The following TMEM63B variants were observed in gnomAD, a reference collection of about 807,000 sequenced individuals.
The protein encoded by TMEM63B is transmembrane protein 63B, also known as mechanosensitive cation channel TMEM63B.
TMEM63B carries 23 observed loss-of-function variants against 102.6 expected under a neutral mutation model. That is an observed-to-expected ratio of 0.22 (90% CI 0.16 to 0.32). TMEM63B has a LOEUF of 0.32. Ranked by LOEUF, TMEM63B falls within the 10% of genes least tolerant of loss-of-function variation. The pLI is 1.00. For synonymous variants in TMEM63B, 444 were observed against 437.0 expected (o/e 1.02, Z -0.20); for missense variants, 628 against 1,095.9 (o/e 0.57, Z 6.03).
Position 44,151,848 on chromosome 6 carries a change from G to GT in TMEM63B, c.1677dup (p.Val560CysfsTer185). 6.2e-7 allele frequency: 1 copy of GT among 1,608,944 alleles called. No individual in the cohort carries two copies. Among genetic ancestry groups the GT allele is most frequent in the South Asian group, 1.1e-5 (1 of 90,550 alleles). On this transcript the variant is annotated frameshift_variant, in exon 19 of 24. Coordinates refer to ENST00000323267, the MANE Select transcript of TMEM63B (RefSeq NM_018426.3). LOFTEE classifies it high-confidence loss of function. Reference sequence around the variant, plus strand: ...GCTGGAGCACCTGGTGCCCGCAGGTGTGTGTTCCTGCCCGACAACGGCGCC... The same window carrying GT: ...GCTGGAGCACCTGGTGCCCGCAGGTGTTGTGTTCCTGCCCGACAACGGCGCC...
In TMEM63B at chr6:44,153,781, AGGT is replaced by A; in HGVS notation, c.2054_2056del (p.Val685del). The A allele has an allele frequency of 6.2e-7, 1 of 1,614,138 alleles. No homozygotes were observed. The highest frequency in any genetic ancestry group is 8.5e-7 in the Non-Finnish European group (1 of 1,180,020). ...AAGATCCACTCGGGGGCTGTGAACC[AGGT>A]GGTGGCCGCGCCCATCCTCTGCCTC... On this transcript the variant is annotated inframe_deletion, in exon 21 of 24. Transcript: ENST00000323267.
chr6:44,138,695 C>A (rs924191335), intron 6 of TMEM63B, 178 bp downstream of exon 6: 2 of 615,752 alleles, frequency 3.2e-6, no homozygotes. Flanking sequence ...GTACCCTGAA[C>A]ACTCACTTGA....
chr6:44,154,641 A>C, intron 23 of TMEM63B, 51 bp from the exon 24 acceptor site: 1 of 1,520,168 alleles, frequency 6.6e-7, no homozygotes, highest in Non-Finnish European at 8.8e-7. Context: ...TGTTCCCGCA[A>C]TCCATGAGGG....
At chr6:44,131,108 C>T (rs771814323) in intron 1 of TMEM63B, among the ~76,000 whole-genome samples, 2 of 151,512 alleles carry the variant, frequency 1.3e-5, no homozygotes, top group Admixed American at 6.6e-5. Flanking sequence ...TTAGTAGAGA[C>T]GGGGTTTCAC....
intron 11 of TMEM63B, 48 bp downstream of exon 11, chr6:44,146,975 T>C: frequency 1.3e-6 from 2 of 1,593,084 alleles, no homozygotes; most frequent in Non-Finnish European, 1.7e-6. Flanking sequence ...CCCCCTGCCA[T>C]TGTGGAGGAC....
At chr6:44,128,577 C>G (rs1275257683) in intron 1 of TMEM63B, among the ~76,000 whole-genome samples, 4 of 152,254 alleles carry the variant, frequency 2.6e-5, no homozygotes, top group Non-Finnish European at 5.9e-5. Flanking sequence ...CGCTGTGCTG[C>G]CCCCTGCCTG....
intron 1 of TMEM63B, among the ~76,000 whole-genome samples, chr6:44,129,558 A>G (rs1777892981): frequency 6.6e-6 from 1 of 152,118 alleles, no homozygotes; most frequent in Non-Finnish European, 1.5e-5. Flanking sequence ...TCCACCTCCC[A>G]GGCTACCACA....
In TMEM63B at chr6:44,139,468, G is replaced by A. The variant is rs1160596226; in HGVS notation, c.409G>A (p.Asp137Asn). The stretch of plus-strand genomic sequence containing the variant: ...TTTGTCCAACCCGTATGGCTGCAGG[G>A]ATGATGAGATCCGGGACAAATGTGG... ...SWLTAIFRIK[D>N]DEIRDKCGGD... Residue 137 changes from aspartate to asparagine, a missense_variant and splice_region_variant, in exon 7 of 24, where the codon GAT becomes AAT. Asp to Asn is a conservative substitution (Grantham distance 23). Transcript: ENST00000323267. The A allele has an allele frequency of 6.2e-7, 1 of 1,614,164 alleles. No individual in the cohort carries two copies. The highest frequency in any genetic ancestry group is 1.1e-5 in the South Asian group (1 of 91,090).
chr6:44,137,555 G>C (rs979911511), intron 5 of TMEM63B, among the ~76,000 whole-genome samples: 1 of 152,178 alleles, frequency 6.6e-6, no homozygotes, highest in African/African-American at 2.4e-5. Context: ...CGGCCGAAAG[G>C]CACCTTTCTA....
In TMEM63B at chr6:44,152,660, T is replaced by C. The variant is rs2128273665; in HGVS notation, c.1904T>C (p.Met635Thr). 3.1e-6 allele frequency: 5 copies of C among 1,608,026 alleles called. No individual in the cohort carries two copies. The highest frequency in any genetic ancestry group is 4.2e-6 in the Non-Finnish European group (5 of 1,179,958). Reference sequence around the variant, plus strand: ...ATGATGTGCGTCTTCACGGTGGTCATGACCTACAGTATCACCTGCCCCATC... The same window carrying C: ...ATGATGTGCGTCTTCACGGTGGTCACGACCTACAGTATCACCTGCCCCATC... Reference protein sequence around the residue: ...AWMMCVFTVVMTYSITCPIIV... With the variant: ...AWMMCVFTVVTTYSITCPIIV... Residue 635 changes from methionine to threonine, a missense_variant, in exon 20 of 24, where the codon ATG becomes ACG. This residue lies in a region of TMEM63B where 90 missense variants were observed against 136.7 expected (regional missense o/e 0.66). Transcript: ENST00000323267. The surrounding 1 kb of genome is among the most constrained non-coding windows in gnomAD (Gnocchi z 6.4).
rs1562124848 is a variant in TMEM63B, at chr6:44,141,105, A to C, written c.782+7A>C. The stretch of plus-strand genomic sequence containing the variant: ...AGATCAAGAAGCATTTTGAGTGAGT[A>C]AGCCACGCTTCCCCCTACCCTCAAG... On this transcript the variant is annotated splice_region_variant and intron_variant, in intron 10 of 23. Coordinates refer to ENST00000323267, the MANE Select transcript of TMEM63B (RefSeq NM_018426.3). The C allele has an allele frequency of 1.2e-6, 2 of 1,613,736 alleles. No homozygotes were observed. Among genetic ancestry groups the C allele is most frequent in the South Asian group, 2.2e-5 (2 of 91,072 alleles).
upstream of TMEM63B, chr6:44,127,035 G>C (rs546703009): frequency 2.6e-5 from 4 of 152,348 alleles, no homozygotes; most frequent in South Asian, 2.1e-4. Context: ...AACGCAGCCC[G>C]CCCTCCCCAA....
chr6:44,154,088 C>T lies in TMEM63B; in HGVS notation c.2126C>T (p.Thr709Met), dbSNP rs759303587. 3 of 1,614,118 alleles carry T rather than the reference C, an allele frequency of 1.9e-6. No individual in the cohort carries two copies. Among genetic ancestry groups the T allele is most frequent in the African/African-American group, 1.3e-5 (1 of 75,036 alleles). ...STMRTGFLAP[T>M]SMFTFVVLVI... The stretch of plus-strand genomic sequence containing the variant: ...CCAACACCAGGGTTCCTAGCTCCCA[C>T]GTCTATGTTCACATTTGTGGTCCTG... Residue 709 changes from threonine to methionine, a missense_variant, in exon 22 of 24, where the codon ACG (threonine) becomes ATG (methionine). Around this residue, in one of 6 missense-constraint regions of TMEM63B, gnomAD observed 11 missense variants for 23.0 expected, o/e 0.48. Coordinates refer to ENST00000323267, the MANE Select transcript of TMEM63B (RefSeq NM_018426.3).
In TMEM63B at chr6:44,150,189, T is replaced by G. The variant is rs914814357; in HGVS notation, c.1521-35T>G. On this transcript the variant is annotated intron_variant, in intron 16 of 23. Transcript: ENST00000323267. This position sits in a 1 kb window ranked among gnomAD's most constrained non-coding sequence, Gnocchi z 4.7. ...GAGCAAGTCTGGGGCCTGGGCTCAC[T>G]TGACCTGTACCGTTCCCTGCTCCCC... 1 of 1,596,814 alleles carries G rather than the reference T, an allele frequency of 6.3e-7. No homozygotes were observed. The highest frequency in any genetic ancestry group is 2.2e-5 in the East Asian group (1 of 44,786).
Position 44,154,984 on chromosome 6 carries a change from C to T in TMEM63B, c.*101C>T. ...TTTATTAGATCTAAAGCCCCTTCCT[C>T]CCCAGCCCCTGCTTTCATTAAGGTA... On this transcript the variant is annotated 3_prime_UTR_variant, in exon 24 of 24. Coordinates refer to ENST00000323267, the MANE Select transcript of TMEM63B (RefSeq NM_018426.3). 8.8e-7 allele frequency: 1 copy of T among 1,130,510 alleles called. No homozygotes were observed. The highest frequency in any genetic ancestry group is 1.2e-6 in the Non-Finnish European group (1 of 830,198). 70.0% of individuals were successfully genotyped at this position (1,130,510 alleles called of 1,614,324 possible).
upstream of TMEM63B, chr6:44,126,858 G>A (rs1471737470): frequency 2.0e-5 from 3 of 152,206 alleles, no homozygotes; most frequent in Non-Finnish European, 4.4e-5. Context: ...CCCCTGGCCT[G>A]GGGGAGGGCG....
chr6:44,131,713 G>A (rs1283382239), intron 1 of TMEM63B, among the ~76,000 whole-genome samples: 1 of 147,652 alleles, frequency 6.8e-6, no homozygotes, highest in Admixed American at 6.9e-5. Flanking sequence ...GCGAGACTCC[G>A]TCTCAAAAAA....
intron 20 of TMEM63B, 118 bp from the exon 21 acceptor site, chr6:44,153,534 GGGGCACTATCCCGTCCTGGGGCCC>G: frequency 2.4e-6 from 2 of 821,430 alleles, no homozygotes; most frequent in Non-Finnish European, 3.7e-6. Context: ...GCTGGGGCAC[GGGGCACTATCCCGTCCTGGGGCCC>G]GGGCAGGAGG....
In TMEM63B at chr6:44,140,829, G is replaced by GGCTCACTGCCTGATTTCTGTTA. The variant is rs1562124459; in HGVS notation, c.712-198_712-197insCTCACTGCCTGATTTCTGTTAG. ...TTAGGCTCACTGCCTGATTTCTGTT[G>GGCTCACTGCCTGATTTCTGTTA]GAAACACTCCCCTGCTTTCCCTGGG... On this transcript the variant is annotated intron_variant, in intron 9 of 23. Transcript: ENST00000323267. Among the ~76,000 whole-genome samples the GGCTCACTGCCTGATTTCTGTTA allele has an allele frequency of 9.2e-5, 14 of 151,838 alleles. No homozygotes were observed. In the East Asian group the frequency reaches 2.7e-3, roughly 29 times the overall value.
Sources: gnomAD v4.1 joint callset for allele counts (sites outside exome capture counted in the v4.1 genomes callset) on GRCh38, gnomAD v4.1.1 for gene constraint, gnomAD v4.1.1 regional missense constraint, Gnocchi (gnomAD v3.1) non-coding constraint, MANE v1.5 for transcripts, NCBI Gene and HGNC (gene_info 2026-07-23, HGNC 2026-07-21) for gene names.